The following KIF24 variants were observed in gnomAD, a reference collection of about 807,000 sequenced individuals.
KIF24 encodes kinesin family member 24.
Under a neutral mutation model 118.9 loss-of-function variants are expected in KIF24, and 81 were observed. The observed-to-expected ratio is 0.68, with a 90% CI of 0.57 to 0.82. The LOEUF (loss-of-function observed/expected upper bound fraction) is 0.82. Ranked by LOEUF, KIF24 falls within the 40% of genes least tolerant of loss-of-function variation. The probability of loss-of-function intolerance (pLI) is 0.00; values close to 1 mark genes in which losing one functional copy is unlikely to be tolerated. For synonymous variants in KIF24, 599 were observed against 610.0 expected, an observed-to-expected ratio of 0.98 and a Z score of 0.27; for missense variants, 1,560 against 1,661.6, an observed-to-expected ratio of 0.94 and a Z score of 1.06.
At chr9:34,268,220 G>A (rs1835364851) in intron 8 of KIF24, among the ~76,000 whole-genome samples, 1 of 152,022 alleles carries the variant, frequency 6.6e-6, no homozygotes. Context: ...CTGGAGTGCA[G>A]TGGCATGATC....
chr9:34,327,922 A>G (rs1837729485), intron 1 of KIF24, among the ~76,000 whole-genome samples: 1 of 152,040 alleles, frequency 6.6e-6, no homozygotes, highest in South Asian at 2.1e-4. Context: ...ACAGAGCCAA[A>G]GCCAAACCCA....
intron 6 of KIF24, among the ~76,000 whole-genome samples, chr9:34,283,265 G>T (rs1399409095): frequency 6.6e-6 from 1 of 151,546 alleles, no homozygotes; most frequent in African/African-American, 2.4e-5. Flanking sequence ...AGCTACTCAG[G>T]AGACTGAGGT....
At chr9:34,300,229 T>C (rs1444493080) in intron 3 of KIF24, among the ~76,000 whole-genome samples, 1 of 112,656 alleles carries the variant, frequency 8.9e-6, no homozygotes, top group Non-Finnish European at 2.4e-5. Flanking sequence ...TTTTAGTGCT[T>C]TGAAAAATGT....
chr9:34,304,019 T>C (rs1407181053), intron 3 of KIF24, among the ~76,000 whole-genome samples: 1 of 152,346 alleles, frequency 6.6e-6, no homozygotes, highest in East Asian at 1.9e-4. Flanking sequence ...CTTGTTTCAC[T>C]CATTATATTG....
chr9:34,299,339 C>T (rs961695500), intron 3 of KIF24, among the ~76,000 whole-genome samples: 1 of 151,806 alleles, frequency 6.6e-6, no homozygotes, highest in African/African-American at 2.4e-5. Flanking sequence ...CGCCACCACG[C>T]CTGGCTGATT....
intron 1 of KIF24, chr9:34,319,651 T>C: frequency 1.2e-6 from 1 of 830,964 alleles, no homozygotes; most frequent in Non-Finnish European, 2.1e-6. Flanking sequence ...CAAGACGAGT[T>C]TTAGGGCCTC....
intron 5 of KIF24, among the ~76,000 whole-genome samples, chr9:34,288,463 G>A (rs1836130417): frequency 6.6e-6 from 1 of 151,730 alleles, no homozygotes; most frequent in Admixed American, 6.6e-5. Flanking sequence ...ACTCCAGCCT[G>A]GGCGACAGAG....
Position 34,306,251 on chromosome 9 carries a change from C to T in KIF24, c.813+1G>A. 6.4e-7 allele frequency: 1 copy of T among 1,572,308 alleles called. No individual in the cohort carries two copies. Among genetic ancestry groups the T allele is most frequent in the Non-Finnish European group, 8.6e-7 (1 of 1,159,162 alleles). ...CCAAACATAAAACGAAAACATCATA[C>T]CTGCAGAATATATTGAGTGAGGTCA... On this transcript the variant is annotated splice_donor_variant, in intron 3 of 12. Coordinates refer to ENST00000402558, the MANE Select transcript of KIF24 (RefSeq NM_194313.4). LOFTEE classifies it high-confidence loss of function.
intron 1 of KIF24, chr9:34,319,596 C>CT: frequency 1.1e-6 from 1 of 946,506 alleles, no homozygotes; most frequent in East Asian, 2.4e-5. Flanking sequence ...GAGCGGCTCC[C>CT]TGCTGTTCAC....
At chr9:34,312,269 A>G (rs770834240) in intron 1 of KIF24, among the ~76,000 whole-genome samples, 19 of 152,234 alleles carry the variant, frequency 1.2e-4, no homozygotes, top group Non-Finnish European at 1.5e-4. Context: ...TAAGGTCAAG[A>G]TTTTAAATAG....
chr9:34,299,581 A>G (rs985676327), intron 3 of KIF24, among the ~76,000 whole-genome samples: 1 of 152,062 alleles, frequency 6.6e-6, no homozygotes, highest in Admixed American at 6.6e-5. Context: ...AATAAAAGTA[A>G]CATGTATTTA....
At chr9:34,312,966 T>C (rs960357036) in intron 1 of KIF24, among the ~76,000 whole-genome samples, 1 of 152,232 alleles carries the variant, frequency 6.6e-6, no homozygotes, top group Non-Finnish European at 1.5e-5. Context: ...CGCAAAGTGC[T>C]GGGATTACAG....
intron 4 of KIF24, among the ~76,000 whole-genome samples, chr9:34,291,339 T>G (rs1041573025): frequency 6.6e-6 from 1 of 152,076 alleles, no homozygotes; most frequent in Non-Finnish European, 1.5e-5. Flanking sequence ...CACCAAATCT[T>G]GAGGGGAAAA....
chr9:34,256,840 T>A lies in KIF24; in HGVS notation c.2767A>T (p.Asn923Tyr). ...GGAGAAGGCCCTGAGGAAGTAGAGT[T>A]CTCTCTGCTCCAGTCCACGGGCCCC... is the stretch of plus-strand genomic sequence containing the variant. Reference protein sequence around the residue: ...SKGPVDWSRENSTSSGPSPRD... With the variant: ...SKGPVDWSREYSTSSGPSPRD... Residue 923 changes from asparagine to tyrosine, a missense_variant, in exon 11 of 13, where the codon AAC becomes TAC. This residue lies in a region of KIF24 where 591 missense variants were observed against 655.6 expected (regional missense o/e 0.90). Coordinates refer to ENST00000402558, the MANE Select transcript of KIF24 (RefSeq NM_194313.4). The A allele has an allele frequency of 6.2e-7, 1 of 1,613,984 alleles. No individual in the cohort carries two copies. Among genetic ancestry groups the A allele is most frequent in the South Asian group, 1.1e-5 (1 of 91,074 alleles).
chr9:34,299,156 G>A (rs7039549), intron 3 of KIF24, among the ~76,000 whole-genome samples: 4,111 of 151,490 alleles, frequency 0.027, 189 homozygotes, highest in African/African-American at 0.094. Context: ...CCAACTATAC[G>A]TATATAATAG....
chr9:34,260,462 G>A lies in KIF24; in HGVS notation c.1516-757C>T, dbSNP rs1176210234. On this transcript the variant is annotated intron_variant, in intron 9 of 12. Transcript: ENST00000402558. ...GCTTCTATCTTCGAGGGAAAAAGGT[G>A]TATGACTCCATAACTCCGTAAGCAG... Among the ~76,000 whole-genome samples, 8 of 152,188 alleles carry A rather than the reference G, an allele frequency of 5.3e-5. 1 individual carries two copies. Among genetic ancestry groups the A allele is most frequent in the African/African-American group, 1.9e-4 (8 of 41,450 alleles).
rs372982481 is a variant in KIF24, at chr9:34,306,346, C to T, written c.719G>A (p.Arg240His). ...KRPLGMREVRRGEINIITVED... is the reference protein window; with the variant it reads ...KRPLGMREVRHGEINIITVED... ...TACAGTAATAATATTAATTTCTCCACGACGTACCTCCCTCATGCCCAGGGG... is the reference window on the plus strand; with the variant it reads ...TACAGTAATAATATTAATTTCTCCATGACGTACCTCCCTCATGCCCAGGGG... The change falls in exon 3 of 13, where the codon CGT becomes CAT. Residue 240 changes from arginine to histidine, a missense_variant. Transcript: ENST00000402558. 4.5e-5 allele frequency: 73 copies of T among 1,610,502 alleles called. No individual in the cohort carries two copies. The highest frequency in any genetic ancestry group is 1.4e-4 in the South Asian group (13 of 90,942).
chr9:34,319,006 C>G (rs143119985), intron 1 of KIF24: 1 of 1,227,542 alleles, frequency 8.1e-7, no homozygotes, highest in Non-Finnish European at 1.2e-6. Context: ...CCCTGCTTGT[C>G]AACACCATGT....
At chr9:34,258,129 G>GA in intron 10 of KIF24, 148 bp from the exon 11 acceptor site, 1 of 669,032 alleles carries the variant, frequency 1.5e-6, no homozygotes, top group Non-Finnish European at 2.6e-6. Flanking sequence ...GAGGAAAAGG[G>GA]AACATTCTGT....
Sources: allele counts gnomAD v4.1 joint callset (sites outside exome capture counted in the v4.1 genomes callset), GRCh38; gene constraint gnomAD v4.1.1; regional missense constraint gnomAD v4.1.1; transcripts MANE v1.5; gene names NCBI Gene and HGNC (gene_info 2026-07-23, HGNC 2026-07-21).